The following PTPRN2 variants were observed in gnomAD, a reference collection of about 807,000 sequenced individuals.
PTPRN2 encodes protein tyrosine phosphatase receptor type N2, also known as receptor-type tyrosine-protein phosphatase N2.
A neutral mutation model predicts 118.8 loss-of-function variants in PTPRN2; 74 were observed. That is an observed-to-expected ratio of 0.62 (90% CI 0.52 to 0.76). The LOEUF (loss-of-function observed/expected upper bound fraction) is 0.76, where lower values mean the gene tolerates loss of function less well. PTPRN2 is among the 30% of genes least tolerant of loss of function. The probability of loss-of-function intolerance (pLI) is 0.00; values close to 1 mark genes in which losing one functional copy is unlikely to be tolerated. For synonymous variants in PTPRN2, 641 were observed against 608.0 expected, an observed-to-expected ratio of 1.05 and a Z score of -0.80; for missense variants, 1,481 against 1,394.4, an observed-to-expected ratio of 1.06 and a Z score of -0.99.
intron 11 of PTPRN2, among the ~76,000 whole-genome samples, chr7:158,050,042 C>T (rs190192120): frequency 2.3e-4 from 35 of 152,286 alleles, no homozygotes; most frequent in Admixed American, 1.4e-3. Flanking sequence ...TAGTGACCCC[C>T]ATTTTATTAG....
At chr7:157,844,868 C>G (rs751253204) in intron 12 of PTPRN2, among the ~76,000 whole-genome samples, 2 of 152,172 alleles carry the variant, frequency 1.3e-5, no homozygotes, top group South Asian at 2.1e-4. Flanking sequence ...TGTGAGCCTC[C>G]GGGTGCTCGT....
At chr7:157,750,159 A>G (rs539676937) in intron 12 of PTPRN2, among the ~76,000 whole-genome samples, 292 of 151,912 alleles carry the variant, frequency 1.9e-3, no homozygotes, top group African/African-American at 6.7e-3. Context: ...CGTAATGTGT[A>G]TTTTACTGGT....
intron 2 of PTPRN2, among the ~76,000 whole-genome samples, chr7:158,336,682 C>T (rs1359301907): frequency 8.1e-6 from 1 of 123,892 alleles, no homozygotes; most frequent in Non-Finnish European, 1.8e-5. Flanking sequence ...ACCATAAGAG[C>T]TGACGCCCGC....
intron 12 of PTPRN2, among the ~76,000 whole-genome samples, chr7:157,783,394 T>C (rs1803804939): frequency 6.6e-6 from 1 of 151,508 alleles, no homozygotes; most frequent in Non-Finnish European, 1.5e-5. Flanking sequence ...GCCTGGGACA[T>C]ACGTCCATCC....
chr7:157,705,619 G>A (rs184188165), intron 12 of PTPRN2, among the ~76,000 whole-genome samples: 13 of 150,142 alleles, frequency 8.7e-5, no homozygotes, highest in Non-Finnish European at 1.5e-4. Context: ...TGGGAATTGA[G>A]TGAATCTGAC....
At chr7:157,922,588 AC>A (rs11284412) in intron 11 of PTPRN2, among the ~76,000 whole-genome samples, 84,943 of 152,050 alleles carry the variant, frequency 0.56, 23,938 homozygotes, top group Admixed American at 0.64. Context: ...TTAGTTGGAC[AC>A]AAACTAGCAA....
At position 157,808,351 on chromosome 7, in the gene PTPRN2, G is replaced by A. The variant is rs1156989974; in HGVS notation, c.1788+90322C>T. ...GTAAGCGGGTGAGTGGCGGGTGAGT[G>A]AGCGAGTGAAACTTTGTCGGTATTT... On this transcript the variant is annotated intron_variant, in intron 12 of 22. Coordinates refer to ENST00000389418, the MANE Select transcript of PTPRN2 (RefSeq NM_002847.5). The surrounding 1 kb of genome is among the most constrained non-coding windows in gnomAD (Gnocchi z 5.0). Among the ~76,000 whole-genome samples the A allele has an allele frequency of 6.6e-6, 1 of 152,120 alleles. No homozygotes were observed. The highest frequency in any genetic ancestry group is 1.5e-5 in the Non-Finnish European group (1 of 68,026).
At chr7:158,551,272 C>G (rs1186076224) in intron 1 of PTPRN2, among the ~76,000 whole-genome samples, 8 of 152,250 alleles carry the variant, frequency 5.3e-5, no homozygotes, top group Non-Finnish European at 1.2e-4. Flanking sequence ...GATGCTGTCT[C>G]ATGGTCTTGC....
intron 22 of PTPRN2, among the ~76,000 whole-genome samples, chr7:157,544,415 CAGGCTTT>C (rs142607771): frequency 0.042 from 6,398 of 152,260 alleles, 208 homozygotes; most frequent in East Asian, 0.19. Context: ...AGGCTGAGGT[CAGGCTTT>C]AGGACAAGGG....
chr7:157,713,626 AC>A (rs1005639721), intron 12 of PTPRN2, among the ~76,000 whole-genome samples: 31 of 152,308 alleles, frequency 2.0e-4, no homozygotes, highest in African/African-American at 7.2e-4. Context: ...CTCACCAGGG[AC>A]CAAGGCAAGC....
chr7:158,287,648 A>G (rs7777968), intron 3 of PTPRN2, among the ~76,000 whole-genome samples: 43,779 of 151,862 alleles, frequency 0.29, 6,537 homozygotes, highest in East Asian at 0.41. Context: ...TCCTGTTATT[A>G]ATTTCTAGTC....
chr7:158,508,343 G>A (rs900777239), intron 1 of PTPRN2, among the ~76,000 whole-genome samples: 1 of 152,218 alleles, frequency 6.6e-6, no homozygotes, highest in Non-Finnish European at 1.5e-5. Flanking sequence ...TGAGCAGTGA[G>A]GGGACATCTG....
At chr7:158,370,099 C>T (rs1340357450) in intron 2 of PTPRN2, among the ~76,000 whole-genome samples, 6 of 152,124 alleles carry the variant, frequency 3.9e-5, no homozygotes, top group African/African-American at 9.7e-5. Context: ...AACTGGTGCA[C>T]GGCGGTGACT....
At chr7:157,942,570 C>T (rs951691286) in intron 11 of PTPRN2, among the ~76,000 whole-genome samples, 3 of 152,084 alleles carry the variant, frequency 2.0e-5, no homozygotes, top group African/African-American at 7.2e-5. Context: ...AGAATCCTCT[C>T]ATTGAGACTG....
chr7:158,337,375 TCTCACCATAA>T (rs1805837451), intron 2 of PTPRN2, among the ~76,000 whole-genome samples: 4 of 105,634 alleles, frequency 3.8e-5, no homozygotes, highest in Non-Finnish European at 8.6e-5. Context: ...ACACCCACAC[TCTCACCATAA>T]GAGGTAACAC....
chr7:157,777,160 T>C (rs1803378134), intron 12 of PTPRN2, among the ~76,000 whole-genome samples: 1 of 152,212 alleles, frequency 6.6e-6, no homozygotes, highest in Admixed American at 6.5e-5. Flanking sequence ...CAGTATCATT[T>C]TCTCCACACA....
chr7:158,498,110 C>T (rs1457257815), intron 1 of PTPRN2, among the ~76,000 whole-genome samples: 3 of 152,362 alleles, frequency 2.0e-5, no homozygotes, highest in African/African-American at 4.8e-5. Context: ...ACGTCTTTGG[C>T]TTCTGTAAAG....
At chr7:158,146,585 G>A (rs149862061) in intron 6 of PTPRN2, among the ~76,000 whole-genome samples, 11,243 of 146,116 alleles carry the variant, frequency 0.077, 644 homozygotes, top group African/African-American at 0.11. Flanking sequence ...GCCAGGCGTG[G>A]TGGCGGGCGC....
chr7:158,587,189 C>A (rs1438545341), intron 1 of PTPRN2, among the ~76,000 whole-genome samples: 14 of 142,218 alleles, frequency 9.8e-5, no homozygotes, highest in African/African-American at 3.7e-4. Flanking sequence ...CCCTAAACCC[C>A]CCACTCATTC....
Sources: gnomAD v4.1 joint callset for allele counts (sites outside exome capture counted in the v4.1 genomes callset) on GRCh38, gnomAD v4.1.1 for gene constraint, Gnocchi (gnomAD v3.1) non-coding constraint, MANE v1.5 for transcripts, NCBI Gene and HGNC (gene_info 2026-07-23, HGNC 2026-07-21) for gene names.